OR6N1: variants seen among roughly 807,000 people sequenced by gnomAD.
OR6N1 encodes olfactory receptor 6N1.
For missense variants in OR6N1, 394 were observed against 371.7 expected, an observed-to-expected ratio of 1.06 and a Z score of -0.49; for synonymous variants, 170 against 150.7, an observed-to-expected ratio of 1.13 and a Z score of -0.94.
At chr1:158,790,971 C>T in the OR6N1 span, among the ~76,000 whole-genome samples, 2 of 152,210 alleles carry the variant, frequency 1.3e-5, no homozygotes, top group South Asian at 2.1e-4. Flanking sequence ...GGGTTTTTAT[C>T]GTAAAGTGAT....
At chr1:158,800,062 TG>T in the OR6N1 span, among the ~76,000 whole-genome samples, 1 of 152,334 alleles carries the variant, frequency 6.6e-6, no homozygotes, top group African/African-American at 2.4e-5. Context: ...GTTTCTAAGT[TG>T]CCATGTAACC....
the OR6N1 span, among the ~76,000 whole-genome samples, chr1:158,811,684 C>G: frequency 6.6e-6 from 1 of 152,162 alleles, no homozygotes; most frequent in Middle Eastern, 3.4e-3. Context: ...ATTTAGGAAT[C>G]AGAGGCAAAA....
chr1:158,805,001 C>T, the OR6N1 span, among the ~76,000 whole-genome samples: 3 of 152,114 alleles, frequency 2.0e-5, no homozygotes, highest in Admixed American at 2.0e-4. Context: ...ATTTCAACTT[C>T]ACACATAAGA....
chr1:158,782,067 G>A, the OR6N1 span, among the ~76,000 whole-genome samples: 1 of 152,160 alleles, frequency 6.6e-6, no homozygotes, highest in Non-Finnish European at 1.5e-5. Context: ...GGTCAAAGGA[G>A]CATAACCAAG....
intron 1 of OR6N1, among the ~76,000 whole-genome samples, chr1:158,769,157 T>C (rs111729446): frequency 6.6e-6 from 1 of 151,586 alleles, no homozygotes. Flanking sequence ...ATAGAACACA[T>C]AATTTATTAT....
chr1:158,774,545 A>ACAGTTAGAC (rs557698951), upstream of OR6N1: 6 of 152,330 alleles, frequency 3.9e-5, no homozygotes, highest in Admixed American at 3.9e-4. Context: ...TCTTTGGAAA[A>ACAGTTAGAC]CAGTTAGACA....
At chr1:158,769,982 T>G (rs1450773936) in intron 1 of OR6N1, among the ~76,000 whole-genome samples, 1 of 152,194 alleles carries the variant, frequency 6.6e-6, no homozygotes, top group Non-Finnish European at 1.5e-5. Context: ...CTACTTCTTC[T>G]CAGACCCTTG....
chr1:158,833,172 A>G, the OR6N1 span, among the ~76,000 whole-genome samples: 1 of 152,120 alleles, frequency 6.6e-6, no homozygotes, highest in African/African-American at 2.4e-5. Context: ...TAATTAAAGT[A>G]TTTGCTTGAT....
chr1:158,836,782 T>A, the OR6N1 span, among the ~76,000 whole-genome samples: 1 of 151,850 alleles, frequency 6.6e-6, no homozygotes, highest in Admixed American at 6.6e-5. Context: ...TCTACTTTTT[T>A]AAGTTCCTTA....
the OR6N1 span, among the ~76,000 whole-genome samples, chr1:158,787,635 T>TCTCTCTCTCTCACA: frequency 3.7e-5 from 5 of 134,318 alleles, no homozygotes; most frequent in Middle Eastern, 7.3e-3. Context: ...TCTCTCTCTC[T>TCTCTCTCTCTCACA]CACACACACA....
chr1:158,791,268 G>A, the OR6N1 span, among the ~76,000 whole-genome samples: 1 of 151,966 alleles, frequency 6.6e-6, no homozygotes, highest in Non-Finnish European at 1.5e-5. Context: ...CACTGTGTTT[G>A]CTCTATCCCA....
chr1:158,807,564 A>G, the OR6N1 span, among the ~76,000 whole-genome samples: 1 of 152,192 alleles, frequency 6.6e-6, no homozygotes, highest in Admixed American at 6.5e-5. Context: ...TTCTCCATCA[A>G]ACTACATTTG....
chr1:158,800,906 C>T, the OR6N1 span, among the ~76,000 whole-genome samples: 2 of 152,174 alleles, frequency 1.3e-5, no homozygotes, highest in Admixed American at 6.5e-5. Context: ...TACAGTTCCA[C>T]GCTTGGTCTT....
the OR6N1 span, among the ~76,000 whole-genome samples, chr1:158,831,021 G>A: frequency 6.6e-6 from 1 of 152,164 alleles, no homozygotes; most frequent in African/African-American, 2.4e-5. Context: ...CTGTGAACAG[G>A]AAAGGAGGGA....
At chr1:158,832,286 A>G in the OR6N1 span, among the ~76,000 whole-genome samples, 1 of 151,966 alleles carries the variant, frequency 6.6e-6, no homozygotes, top group Non-Finnish European at 1.5e-5. Context: ...TGAGTACTTG[A>G]GAAGAGTTTA....
In OR6N1 at chr1:158,765,156, A is replaced by C. The variant is rs1657212645; in HGVS notation, c.*588T>G. The C allele has an allele frequency of 6.6e-6, 1 of 152,242 alleles. No homozygotes were observed. The highest frequency in any genetic ancestry group is 6.5e-5 in the Admixed American group (1 of 15,286). 9.4% of individuals were successfully genotyped at this position (152,242 alleles called of 1,614,324 possible). On this transcript the variant is annotated 3_prime_UTR_variant, in exon 2 of 2. Coordinates refer to ENST00000641846, the MANE Select transcript of OR6N1 (RefSeq NM_001005185.2). ...ACAAATCTTAACGTTAATATTCAAA[A>C]CACTCTTCAAGAAAATACCATTATC...
chr1:158,817,180 T>C, the OR6N1 span, among the ~76,000 whole-genome samples: 1 of 152,224 alleles, frequency 6.6e-6, no homozygotes, highest in African/African-American at 2.4e-5. Context: ...AAAAATTGGT[T>C]ATTGATCAAA....
the OR6N1 span, among the ~76,000 whole-genome samples, chr1:158,828,692 C>G: frequency 6.6e-6 from 1 of 152,118 alleles, no homozygotes; most frequent in Non-Finnish European, 1.5e-5. Context: ...AGGATGATGG[C>G]CCTCTTCTCA....
chr1:158,799,633 G>T, the OR6N1 span, among the ~76,000 whole-genome samples: 1 of 152,174 alleles, frequency 6.6e-6, no homozygotes, highest in East Asian at 1.9e-4. Flanking sequence ...GAGATTTAAT[G>T]AGAAAATAGA....
Sources: gnomAD v4.1 joint callset for allele counts (sites outside exome capture counted in the v4.1 genomes callset) on GRCh38, gnomAD v4.1.1 for gene constraint, MANE v1.5 for transcripts, NCBI Gene and HGNC (gene_info 2026-07-23, HGNC 2026-07-21) for gene names.